Variants in FXYD6 observed in about 807,000 individuals in gnomAD.
The protein encoded by FXYD6 is FXYD domain containing ion transport regulator 6.
In FXYD6, 7 loss-of-function variants were observed where a neutral mutation model predicts 16.7. The ratio of observed to expected loss-of-function variants is 0.42; its 90% confidence interval spans 0.24 to 0.79. The LOEUF is 0.79. Among genes scored for constraint, FXYD6 ranks in the 30% least tolerant of loss-of-function variants. The pLI is 0.28. For synonymous variants in FXYD6, 49 were observed against 43.0 expected (o/e 1.14, Z -0.54); for missense variants, 111 against 116.2 (o/e 0.95, Z 0.21).
chr11:117,869,259 G>C (rs2057080454), intron 1 of FXYD6: 1 of 152,344 alleles, frequency 6.6e-6, no homozygotes, highest in African/African-American at 2.4e-5. Flanking sequence ...CATGGCTCAA[G>C]GAGGCTGCAG....
At chr11:117,865,985 A>G (rs1259099935) in intron 1 of FXYD6, among the ~76,000 whole-genome samples, 1 of 152,170 alleles carries the variant, frequency 6.6e-6, no homozygotes. Flanking sequence ...TACTTGTTCC[A>G]GCTACAACAT....
At chr11:117,863,822 A>C (rs561798061) in intron 1 of FXYD6, among the ~76,000 whole-genome samples, 14 of 152,294 alleles carry the variant, frequency 9.2e-5, no homozygotes, top group African/African-American at 3.4e-4. Context: ...ATTAACAATA[A>C]AAAATCTGAA....
chr11:117,858,701 T>TTC (rs201736623), intron 1 of FXYD6, among the ~76,000 whole-genome samples: 4,345 of 58,324 alleles, frequency 0.074, 391 homozygotes, highest in East Asian at 0.26. Flanking sequence ...CTTTCTTTCT[T>TTC]TCTCTCTCTC....
In FXYD6 at chr11:117,870,755, C is replaced by T. The variant is rs1398889282; in HGVS notation, c.-6+5837G>A. Reference sequence around the variant, plus strand: ...TCTCTGTTTCAGGAAACACATTATCCCCTCCCTCCCCTCAATGCATCCTCA... The same window carrying T: ...TCTCTGTTTCAGGAAACACATTATCTCCTCCCTCCCCTCAATGCATCCTCA... On this transcript the variant is annotated intron_variant, in intron 1 of 7. Coordinates refer to ENST00000526014, the MANE Select transcript of FXYD6 (RefSeq NM_022003.4). The surrounding 1 kb of genome is among the most constrained non-coding windows in gnomAD (Gnocchi z 4.2). 1.3e-5 allele frequency among the ~76,000 whole-genome samples: 2 copies of T among 151,994 alleles called. No homozygotes were observed. Among genetic ancestry groups the T allele is most frequent in the Admixed American group, 1.3e-4 (2 of 15,266 alleles).
intron 1 of FXYD6, among the ~76,000 whole-genome samples, chr11:117,846,013 AT>A (rs2056457715): frequency 6.6e-6 from 1 of 152,202 alleles, no homozygotes; most frequent in African/African-American, 2.4e-5. Flanking sequence ...TCACACAATG[AT>A]TTAAAATTGT....
At chr11:117,857,802 A>T (rs2056769743) in intron 1 of FXYD6, among the ~76,000 whole-genome samples, 1 of 151,808 alleles carries the variant, frequency 6.6e-6, no homozygotes, top group African/African-American at 2.4e-5. Flanking sequence ...GCTAAGCAAG[A>T]CCTCTTGGAG....
chr11:117,844,604 C>T (rs989336212), intron 1 of FXYD6, among the ~76,000 whole-genome samples: 7 of 152,148 alleles, frequency 4.6e-5, no homozygotes, highest in African/African-American at 1.7e-4. Flanking sequence ...AAACGATTCT[C>T]CTGCTTCTGC....
intron 1 of FXYD6, among the ~76,000 whole-genome samples, chr11:117,863,802 A>C (rs1306687357): frequency 6.6e-6 from 1 of 152,048 alleles, no homozygotes; most frequent in Non-Finnish European, 1.5e-5. Context: ...AAACAATTGC[A>C]TTTCTATACA....
intron 1 of FXYD6, among the ~76,000 whole-genome samples, chr11:117,845,862 T>C (rs1239836130): frequency 6.6e-6 from 1 of 152,254 alleles, no homozygotes; most frequent in Non-Finnish European, 1.5e-5. Context: ...TAGTTTCTTT[T>C]CTATTTTATT....
At chr11:117,843,122 A>G (rs1200494275) in intron 1 of FXYD6, among the ~76,000 whole-genome samples, 1 of 152,004 alleles carries the variant, frequency 6.6e-6, no homozygotes, top group Non-Finnish European at 1.5e-5. Flanking sequence ...TTTAGTAGAG[A>G]CAGGGTTTCA....
chr11:117,865,929 AC>A (rs1209278691), intron 1 of FXYD6, among the ~76,000 whole-genome samples: 1 of 151,150 alleles, frequency 6.6e-6, no homozygotes, highest in African/African-American at 2.4e-5. Flanking sequence ...CTCAAAAAAA[AC>A]AAAAAAGAGT....
chr11:117,846,098 G>A (rs1333693007), intron 1 of FXYD6, among the ~76,000 whole-genome samples: 1 of 152,196 alleles, frequency 6.6e-6, no homozygotes, highest in African/African-American at 2.4e-5. Context: ...ACAACCTGTT[G>A]TGGATATTTT....
At chr11:117,857,930 C>T (rs933822326) in intron 1 of FXYD6, among the ~76,000 whole-genome samples, 5 of 152,140 alleles carry the variant, frequency 3.3e-5, no homozygotes, top group African/African-American at 1.2e-4. Context: ...TGCTCATGAA[C>T]GGGACCTGGG....
chr11:117,861,860 G>T (rs1047251559), intron 1 of FXYD6, among the ~76,000 whole-genome samples: 1 of 152,222 alleles, frequency 6.6e-6, no homozygotes, highest in Non-Finnish European at 1.5e-5. Context: ...AGCTGACACT[G>T]GCTCCCGGCC....
chr11:117,863,069 T>C (rs954165662), intron 1 of FXYD6, among the ~76,000 whole-genome samples: 1 of 152,164 alleles, frequency 6.6e-6, no homozygotes, highest in African/African-American at 2.4e-5. Context: ...CCATGGGATG[T>C]TGGTTATTAC....
chr11:117,871,387 C>G (rs954020623), intron 1 of FXYD6, among the ~76,000 whole-genome samples: 1 of 146,220 alleles, frequency 6.8e-6, no homozygotes, highest in African/African-American at 2.5e-5. Context: ...GCTTTCTCCA[C>G]GTGTCTGACA....
intron 1 of FXYD6, among the ~76,000 whole-genome samples, chr11:117,867,728 A>C (rs1051893198): frequency 3.3e-5 from 5 of 152,062 alleles, no homozygotes; most frequent in Middle Eastern, 3.2e-3. Context: ...ATGTGTCTCT[A>C]ACTGCGTGCC....
At chr11:117,839,542 G>A in intron 7 of FXYD6, 1 of 511,934 alleles carries the variant, frequency 2.0e-6, no homozygotes. Context: ...CCAGTGGGCT[G>A]TGTGGAAGCC....
intron 1 of FXYD6, among the ~76,000 whole-genome samples, chr11:117,844,514 A>C (rs2056429208): frequency 6.6e-6 from 1 of 152,030 alleles, no homozygotes; most frequent in African/African-American, 2.4e-5. Flanking sequence ...ATTTATTTTG[A>C]GACTGAGTCT....
Sources: gnomAD v4.1 joint callset for allele counts (sites outside exome capture counted in the v4.1 genomes callset) on GRCh38, gnomAD v4.1.1 for gene constraint, Gnocchi (gnomAD v3.1) non-coding constraint, MANE v1.5 for transcripts, NCBI Gene and HGNC (gene_info 2026-07-23, HGNC 2026-07-21) for gene names.